Variants in TBX2 observed in about 807,000 individuals in gnomAD.
TBX2 encodes T-box transcription factor 2.
A neutral mutation model predicts 48.4 loss-of-function variants in TBX2; 19 were observed. The ratio of observed to expected loss-of-function variants is 0.39; its 90% CI spans 0.27 to 0.58. The LOEUF is 0.58. Ranked by LOEUF, TBX2 falls within the 20% of genes least tolerant of loss-of-function variation. The probability of loss-of-function intolerance (pLI) is 0.54; values close to 1 mark genes in which losing one functional copy is unlikely to be tolerated. For missense variants in TBX2, 994 were observed against 1,006.5 expected, an observed-to-expected ratio of 0.99 and a Z score of 0.17; for synonymous variants, 522 against 459.7, an observed-to-expected ratio of 1.14 and a Z score of -1.73.
chr17:61,400,252 A>C lies in TBX2; in HGVS notation c.76A>C (p.Met26Leu). 4 of 1,204,016 alleles carry C rather than the reference A, an allele frequency of 3.3e-6. No individual in the cohort carries two copies. The highest frequency in any genetic ancestry group is 6.6e-5 in the East Asian group (1 of 15,258). The allele number at this position is 1,204,016 out of a possible 1,614,324, so 74.6% of individuals were successfully genotyped here. ...FHAPRPADFP[M>L]SAFLAAAQPS... ...CGCGCCACGGCCCGCCGACTTCCCC[A>C]TGTCCGCCTTTCTGGCGGCGGCGCA... The change falls in exon 1 of 7, where the codon ATG becomes CTG. Residue 26 changes from methionine to leucine, a missense_variant. Transcript: ENST00000240328. The surrounding 1 kb of genome is among the most constrained non-coding windows in gnomAD (Gnocchi z 9.2).
Position 61,400,708 on chromosome 17 carries a change from G to A in TBX2, c.395+137G>A. On this transcript the variant is annotated intron_variant, in intron 1 of 6. Coordinates refer to ENST00000240328, the MANE Select transcript of TBX2 (RefSeq NM_005994.4). The surrounding 1 kb of genome is among the most constrained non-coding windows in gnomAD (Gnocchi z 9.2). ...GGTTCTGGCCCTGACGCCACGCTTC[G>A]CTCCCACGGACAACCAAGTTGACTT... 5 of 899,892 alleles carry A rather than the reference G, an allele frequency of 5.6e-6. No individual in the cohort carries two copies. The highest frequency in any genetic ancestry group is 6.5e-6 in the Non-Finnish European group (4 of 617,676). The allele number at this position is 899,892 out of a possible 1,614,324, so 55.7% of individuals were successfully genotyped here.
Position 61,403,301 on chromosome 17 carries a change from G to A in TBX2, c.810+94G>A. On this transcript the variant is annotated intron_variant, in intron 3 of 6. Transcript: ENST00000240328. The surrounding 1 kb of genome is among the most constrained non-coding windows in gnomAD (Gnocchi z 5.8). ...CGTTCATCGCCCCTCGAAGCCCCCTGCACGGGATCCGCGCTCTTGCGGCCC... is the reference window on the plus strand; with the variant it reads ...CGTTCATCGCCCCTCGAAGCCCCCTACACGGGATCCGCGCTCTTGCGGCCC... 2 of 1,538,884 alleles carry A rather than the reference G, an allele frequency of 1.3e-6. No individual in the cohort carries two copies. Among genetic ancestry groups the A allele is most frequent in the Admixed American group, 2.1e-5 (1 of 47,868 alleles).
chr17:61,401,417 G>A (rs145138271), intron 1 of TBX2, among the ~76,000 whole-genome samples: 1 of 152,168 alleles, frequency 6.6e-6, no homozygotes. Flanking sequence ...TCAGATCAGG[G>A]AGAAAGAGGG....
chr17:61,406,662 G>A lies in TBX2; in HGVS notation c.1686+826G>A, dbSNP rs1451990938. On this transcript the variant is annotated intron_variant, in intron 6 of 6. Transcript: ENST00000240328. The surrounding 1 kb of genome is among the most constrained non-coding windows in gnomAD (Gnocchi z 5.7). ...TGAACCCCTGAGATCTTATCTCAAG[G>A]GAAGGAAAATAGCAGTTCAGGTCTG... 1 of 149,524 alleles carries A rather than the reference G, an allele frequency of 6.7e-6. No homozygotes were observed. The highest frequency in any genetic ancestry group is 1.5e-5 in the Non-Finnish European group (1 of 67,854). 9.3% of individuals were successfully genotyped at this position (149,524 alleles called of 1,614,324 possible).
intron 4 of TBX2, 32 bp downstream of exon 4, chr17:61,404,529 G>A (rs775773343): frequency 1.9e-6 from 3 of 1,592,394 alleles, no homozygotes; most frequent in South Asian, 1.1e-5. Context: ...CCCTGTGGCG[G>A]GTGCCCGCGG....
In TBX2 at chr17:61,409,215, T is replaced by C. The variant is rs2060299930; in HGVS notation, c.*709T>C. On this transcript the variant is annotated 3_prime_UTR_variant, in exon 7 of 7. Coordinates refer to ENST00000240328, the MANE Select transcript of TBX2 (RefSeq NM_005994.4). ...ATATATTTAGAGATTAACTCATACA[T>C]TTAAAGTTTTTTTCATTTTACGTGA... The C allele has an allele frequency of 6.6e-6, 1 of 152,588 alleles. No individual in the cohort carries two copies. Among genetic ancestry groups the C allele is most frequent in the Admixed American group, 6.5e-5 (1 of 15,286 alleles). The allele number at this position is 152,588 out of a possible 1,614,324, so 9.5% of individuals were successfully genotyped here.
intron 4 of TBX2, 42 bp from the exon 5 acceptor site, chr17:61,404,564 G>T (rs375834168): frequency 1.9e-6 from 3 of 1,593,584 alleles, no homozygotes; most frequent in Non-Finnish European, 2.6e-6. Context: ...AGGGATGGAG[G>T]GATGGGCTCC....
In TBX2 at chr17:61,400,329, G is replaced by A. The variant is rs778481852; in HGVS notation, c.153G>A (p.Pro51=). ...LALPPGALAK[P]LPDPGLAGAA... ...TGCCGCCCGGCGCGCTGGCCAAGCC[G>A]CTGCCCGACCCGGGCCTGGCGGGGG... The change falls in exon 1 of 7, where the codon CCG becomes CCA. Residue 51 remains proline (P), a synonymous_variant. Coordinates refer to ENST00000240328, the MANE Select transcript of TBX2 (RefSeq NM_005994.4). This position sits in a 1 kb window ranked among gnomAD's most constrained non-coding sequence, Gnocchi z 9.2. 3 of 1,019,434 alleles carry A rather than the reference G, an allele frequency of 2.9e-6. No individual in the cohort carries two copies. Among genetic ancestry groups the A allele is most frequent in the Non-Finnish European group, 1.2e-6 (1 of 851,052 alleles). 63.1% of individuals were successfully genotyped at this position (1,019,434 alleles called of 1,614,324 possible). A position where few individuals can be genotyped will look rare whatever the true frequency, so the allele number is the denominator to read the frequency against.
In TBX2 at chr17:61,406,970, AGAGGTCAT is replaced by A. The variant is rs2060291576; in HGVS notation, c.1687-1079_1687-1072del. On this transcript the variant is annotated intron_variant, in intron 6 of 6. Coordinates refer to ENST00000240328, the MANE Select transcript of TBX2 (RefSeq NM_005994.4). This position sits in a 1 kb window ranked among gnomAD's most constrained non-coding sequence, Gnocchi z 5.7. ...AACTGGTAATAATCACCAGCATCAC[AGAGGTCAT>A]GAGGAAGTCAGGGCTTCTAGACACA... is the stretch of plus-strand genomic sequence containing the variant. The A allele has an allele frequency of 6.6e-6, 1 of 152,200 alleles. No homozygotes were observed. Among genetic ancestry groups the A allele is most frequent in the South Asian group, 2.1e-4 (1 of 4,832 alleles). 9.4% of individuals were successfully genotyped at this position (152,200 alleles called of 1,614,324 possible). A position where few individuals can be genotyped will look rare whatever the true frequency, so the allele number is the denominator to read the frequency against.
At position 61,405,809 on chromosome 17, in the gene TBX2, C is replaced by A; in HGVS notation, c.1659C>A (p.His553Gln). 7.5e-7 allele frequency: 1 copy of A among 1,329,250 alleles called. No individual in the cohort carries two copies. The highest frequency in any genetic ancestry group is 9.6e-7 in the Non-Finnish European group (1 of 1,046,582). The allele number at this position is 1,329,250 out of a possible 1,614,324, so 82.3% of individuals were successfully genotyped here. A position where few individuals can be genotyped will look rare whatever the true frequency, so the allele number is the denominator to read the frequency against. Residue 553 changes from histidine to glutamine, a missense_variant, in exon 6 of 7, where the codon CAC (histidine) becomes CAA (glutamine). By Grantham distance (24) the His-to-Gln change is conservative. Around this residue, in one of 5 missense-constraint regions of TBX2, gnomAD observed 639 missense variants for 613.2 expected, o/e 1.04. Coordinates refer to ENST00000240328, the MANE Select transcript of TBX2 (RefSeq NM_005994.4). ...GCACCGCCGCGCCCTTCCCGTTCCA[C>A]CTCTCCCAGCACATGCTGGCATCTC... ...AASTAAPFPF[H>Q]LSQHMLASQG...
Position 61,403,297 on chromosome 17 carries a change from C to T in TBX2, c.810+90C>T, listed in dbSNP as rs995440544. 1 of 1,545,132 alleles carries T rather than the reference C, an allele frequency of 6.5e-7. No individual in the cohort carries two copies. The highest frequency in any genetic ancestry group is 8.7e-7 in the Non-Finnish European group (1 of 1,153,838). On this transcript the variant is annotated intron_variant, in intron 3 of 6. Coordinates refer to ENST00000240328, the MANE Select transcript of TBX2 (RefSeq NM_005994.4). The surrounding 1 kb of genome is among the most constrained non-coding windows in gnomAD (Gnocchi z 5.8). ...CGTCCGTTCATCGCCCCTCGAAGCC[C>T]CCTGCACGGGATCCGCGCTCTTGCG...
In TBX2 at chr17:61,400,464, G is replaced by A. The variant is rs760326283; in HGVS notation, c.288G>A (p.Glu96=). Residue 96 remains glutamate, a synonymous_variant, in exon 1 of 7, where the codon GAG becomes GAA. Transcript: ENST00000240328. This position sits in a 1 kb window ranked among gnomAD's most constrained non-coding sequence, Gnocchi z 9.2. ...AAHLRSLKSL[E]PEDEVEDDPK... ...ATCTGCGCTCCCTCAAGAGCCTGGAGCCCGAGGACGAGGTGGAGGACGACC... is the reference window on the plus strand; with the variant it reads ...ATCTGCGCTCCCTCAAGAGCCTGGAACCCGAGGACGAGGTGGAGGACGACC... 1 of 1,599,334 alleles carries A rather than the reference G, an allele frequency of 6.3e-7. No individual in the cohort carries two copies. The highest frequency in any genetic ancestry group is 1.1e-5 in the South Asian group (1 of 88,370).
intron 1 of TBX2, 38 bp from the exon 2 acceptor site, chr17:61,401,646 C>T (rs756235282): frequency 2.5e-6 from 4 of 1,586,398 alleles, no homozygotes; most frequent in Admixed American, 3.4e-5. Context: ...CTAGAACAGC[C>T]GGTTCCAATG....
rs34446110 is a variant in TBX2 at position 61,400,993 on chromosome 17, G to C, written c.395+422G>C. Among the ~76,000 whole-genome samples, 83,766 of 151,860 alleles carry C rather than the reference G, an allele frequency of 0.55. 26,288 individuals are homozygous for C. Among genetic ancestry groups the C allele is most frequent in the Non-Finnish European group, 0.72 (49,097 of 67,948 alleles). ...ACCCCGAAGCCCCTAGTGGGACCTG[G>C]GCCCAGCTAACCCCACGCTGGTTGC... On this transcript the variant is annotated intron_variant, in intron 1 of 6. Coordinates refer to ENST00000240328, the MANE Select transcript of TBX2 (RefSeq NM_005994.4). The surrounding 1 kb of genome is among the most constrained non-coding windows in gnomAD (Gnocchi z 9.2).
At chr17:61,401,200 G>T (rs1470369561) in intron 1 of TBX2, among the ~76,000 whole-genome samples, 2 of 151,792 alleles carry the variant, frequency 1.3e-5, no homozygotes, top group Admixed American at 6.6e-5. Context: ...TCCAGGCCTC[G>T]GGTTCACCCT....
chr17:61,407,872 T>G, intron 6 of TBX2, 182 bp from the exon 7 acceptor site: 1 of 692,882 alleles, frequency 1.4e-6, no homozygotes, highest in Non-Finnish European at 2.3e-6. Context: ...CCCTTCTAAC[T>G]GGGTTTGGCC....
At chr17:61,405,859 A>T (rs2060286892) in intron 6 of TBX2, 23 bp downstream of exon 6, 5 of 1,288,358 alleles carry the variant, frequency 3.9e-6, no homozygotes, top group Non-Finnish European at 2.0e-6. Context: ...ACCCCGCGGC[A>T]GCGCCAGCGA....
chr17:61,403,358 C>A lies in TBX2; in HGVS notation c.810+151C>A. ...GAGCACCGAGCCTCGCATCCATACGCGCAGCACTCACGGAAGTCCTCAAGG... is the reference window on the plus strand; with the variant it reads ...GAGCACCGAGCCTCGCATCCATACGAGCAGCACTCACGGAAGTCCTCAAGG... On this transcript the variant is annotated intron_variant, in intron 3 of 6. Coordinates refer to ENST00000240328, the MANE Select transcript of TBX2 (RefSeq NM_005994.4). This position sits in a 1 kb window ranked among gnomAD's most constrained non-coding sequence, Gnocchi z 5.8. 5 of 1,295,400 alleles carry A rather than the reference C, an allele frequency of 3.9e-6. No homozygotes were observed. The highest frequency in any genetic ancestry group is 5.2e-6 in the Non-Finnish European group (5 of 962,692). The allele number at this position is 1,295,400 out of a possible 1,614,324, so 80.2% of individuals were successfully genotyped here. A position where few individuals can be genotyped will look rare whatever the true frequency, so the allele number is the denominator to read the frequency against.
In TBX2 at chr17:61,400,545, G is replaced by A. The variant is rs1295697643; in HGVS notation, c.369G>A (p.Thr123=). ...ELWDQFHKLG[T]EMVITKSGRR... is the part of the protein sequence containing the mutation. ...GGGACCAGTTCCACAAGCTAGGCACGGAGATGGTCATCACCAAGTCCGGGA... is the reference window on the plus strand; with the variant it reads ...GGGACCAGTTCCACAAGCTAGGCACAGAGATGGTCATCACCAAGTCCGGGA... The change falls in exon 1 of 7, where the codon ACG becomes ACA. Residue 123 remains threonine (T), a synonymous_variant. Coordinates refer to ENST00000240328, the MANE Select transcript of TBX2 (RefSeq NM_005994.4). This position sits in a 1 kb window ranked among gnomAD's most constrained non-coding sequence, Gnocchi z 9.2. The A allele has an allele frequency of 1.3e-6, 2 of 1,574,360 alleles. No individual in the cohort carries two copies. Among genetic ancestry groups the A allele is most frequent in the African/African-American group, 1.3e-5 (1 of 74,318 alleles).
Sources: gnomAD v4.1 joint callset for allele counts (sites outside exome capture counted in the v4.1 genomes callset) on GRCh38, gnomAD v4.1.1 for gene constraint, gnomAD v4.1.1 regional missense constraint, Gnocchi (gnomAD v3.1) non-coding constraint, MANE v1.5 for transcripts, NCBI Gene and HGNC (gene_info 2026-07-23, HGNC 2026-07-21) for gene names.